EPN2: variants seen among roughly 807,000 people sequenced by gnomAD.
The protein encoded by EPN2 is epsin 2.
A neutral mutation model predicts 61.7 loss-of-function variants in EPN2; 34 were observed. That is an observed-to-expected ratio of 0.55 (90% CI 0.42 to 0.73). The LOEUF is 0.73. Ranked by LOEUF, EPN2 falls within the 30% of genes least tolerant of loss-of-function variation. EPN2 has a pLI of 0.00. For synonymous variants in EPN2, 349 were observed against 353.6 expected (o/e 0.99, Z 0.15); for missense variants, 714 against 839.2 (o/e 0.85, Z 1.84).
At chr17:19,245,884 C>T (rs575495017) in intron 1 of EPN2, among the ~76,000 whole-genome samples, 6 of 152,004 alleles carry the variant, frequency 3.9e-5, no homozygotes, top group South Asian at 2.1e-4. Flanking sequence ...AGGCTGGTCT[C>T]GAACTCCTGA....
chr17:19,319,315 C>G (rs1408022666), intron 7 of EPN2, among the ~76,000 whole-genome samples: 3 of 152,026 alleles, frequency 2.0e-5, no homozygotes, highest in African/African-American at 7.3e-5. Flanking sequence ...GATGGAAGGA[C>G]AGATTCTACT....
chr17:19,314,875 C>T (rs994057521), intron 7 of EPN2, among the ~76,000 whole-genome samples: 5 of 152,204 alleles, frequency 3.3e-5, no homozygotes, highest in African/African-American at 1.2e-4. Context: ...GTGGCTTTGG[C>T]TTTATTTTTA....
chr17:19,326,865 G>A (rs1053407373), intron 7 of EPN2, among the ~76,000 whole-genome samples: 4 of 152,038 alleles, frequency 2.6e-5, no homozygotes, highest in African/African-American at 7.2e-5. Context: ...CATAAGGGAC[G>A]ATCGGTAAAA....
intron 1 of EPN2, among the ~76,000 whole-genome samples, chr17:19,281,238 T>C (rs2045355632): frequency 6.6e-6 from 1 of 152,238 alleles, no homozygotes; most frequent in Non-Finnish European, 1.5e-5. Flanking sequence ...TTACCGGGAC[T>C]GATCCTGCCT....
chr17:19,306,685 G>A (rs1041797711), intron 4 of EPN2, among the ~76,000 whole-genome samples: 8 of 152,252 alleles, frequency 5.3e-5, no homozygotes, highest in African/African-American at 1.4e-4. Flanking sequence ...TCAGAGCCCC[G>A]TGCCCACTCT....
At chr17:19,303,647 G>A (rs568704886) in intron 4 of EPN2, among the ~76,000 whole-genome samples, 2 of 152,330 alleles carry the variant, frequency 1.3e-5, no homozygotes, top group East Asian at 1.9e-4. Flanking sequence ...TAGTGCCAGC[G>A]TTGGCCACAG....
At position 19,313,110 on chromosome 17, in the gene EPN2, C is replaced by T; in HGVS notation, c.978C>T (p.Gly326=). 6.2e-7 allele frequency: 1 copy of T among 1,613,328 alleles called. No homozygotes were observed. The highest frequency in any genetic ancestry group is 8.5e-7 in the Non-Finnish European group (1 of 1,179,618). ...TVKIPKKKEH[G]SLPQQTTLLD... ...CCTTCTCTTTGTCTTAAAAGCATGG[C>T]TCTCTCCCACAGCAGACTACGCTGT... Residue 326 remains glycine, a synonymous_variant, in exon 7 of 11, where the codon GGC becomes GGT. Coordinates refer to ENST00000314728, the MANE Select transcript of EPN2 (RefSeq NM_014964.5).
chr17:19,243,236 T>TC (rs2086643699), intron 1 of EPN2, among the ~76,000 whole-genome samples: 1 of 150,554 alleles, frequency 6.6e-6, no homozygotes, highest in Non-Finnish European at 1.5e-5. Flanking sequence ...TTTTTTTTTT[T>TC]TGAGACAGAG....
chr17:19,255,644 CAA>C (rs1416078723), intron 1 of EPN2, among the ~76,000 whole-genome samples: 3 of 143,536 alleles, frequency 2.1e-5, no homozygotes, highest in African/African-American at 7.7e-5. Flanking sequence ...TTTTTTGAGA[CAA>C]AGAGTCTTGC....
intron 1 of EPN2, among the ~76,000 whole-genome samples, chr17:19,239,346 T>C (rs2044856884): frequency 6.6e-6 from 1 of 152,202 alleles, no homozygotes; most frequent in South Asian, 2.1e-4. Flanking sequence ...GAGACGGGAT[T>C]TCGCCACGTT....
intron 1 of EPN2, chr17:19,271,639 C>CTCAGAAATCTGCATTGT (rs2045255246): frequency 6.6e-6 from 1 of 152,322 alleles, no homozygotes; most frequent in African/African-American, 2.4e-5. Context: ...AAGTAACTCC[C>CTCAGAAATCTGCATTGT]TCAGAAATCT....
chr17:19,245,037 C>T (rs2044929610), intron 1 of EPN2, among the ~76,000 whole-genome samples: 1 of 152,158 alleles, frequency 6.6e-6, no homozygotes, highest in Non-Finnish European at 1.5e-5. Flanking sequence ...AAGAGGCAAG[C>T]TTGGTCATGG....
intron 1 of EPN2, among the ~76,000 whole-genome samples, chr17:19,240,495 C>G (rs1368410647): frequency 6.6e-6 from 1 of 152,230 alleles, no homozygotes; most frequent in Non-Finnish European, 1.5e-5. Context: ...ATCCACCTAT[C>G]TTGGCCTCCC....
Position 19,334,091 on chromosome 17 carries a change from T to C in EPN2, c.1763T>C (p.Met588Thr), listed in dbSNP as rs369301746. The change falls in exon 11 of 11, where the codon ATG becomes ACG. Residue 588 changes from methionine to threonine, a missense_variant. Met to Thr is a moderately conservative substitution (Grantham distance 81). Coordinates refer to ENST00000314728, the MANE Select transcript of EPN2 (RefSeq NM_014964.5). The surrounding 1 kb of genome is among the most constrained non-coding windows in gnomAD (Gnocchi z 4.9). ...SFGPGPGVESMAVASMTSAAP... is the reference protein window; with the variant it reads ...SFGPGPGVESTAVASMTSAAP... ...GGGCCTGGCCCAGGAGTGGAGTCCATGGCTGTGGCCTCGATGACCTCCGCG... is the reference window on the plus strand; with the variant it reads ...GGGCCTGGCCCAGGAGTGGAGTCCACGGCTGTGGCCTCGATGACCTCCGCG... 6.8e-5 allele frequency: 110 copies of C among 1,610,010 alleles called. No individual in the cohort carries two copies. Among genetic ancestry groups the C allele is most frequent in the Non-Finnish European group, 2.2e-5 (26 of 1,178,292 alleles).
intron 4 of EPN2, among the ~76,000 whole-genome samples, chr17:19,286,815 A>G (rs1191988616): frequency 1.3e-5 from 2 of 152,200 alleles, no homozygotes; most frequent in Non-Finnish European, 2.9e-5. Flanking sequence ...CTAAACTGAC[A>G]TTAGAAAACG....
At chr17:19,250,642 C>T (rs771133350) in intron 1 of EPN2, among the ~76,000 whole-genome samples, 13 of 152,108 alleles carry the variant, frequency 8.5e-5, no homozygotes, top group Non-Finnish European at 1.6e-4. Context: ...CCAGTGTCGG[C>T]GCCATCTCTA....
intron 1 of EPN2, among the ~76,000 whole-genome samples, chr17:19,239,225 G>A (rs887378556): frequency 2.0e-5 from 3 of 152,196 alleles, no homozygotes; most frequent in East Asian, 3.8e-4. Context: ...TCGGCTCACC[G>A]AAACCTCCGC....
At chr17:19,249,005 A>T (rs1177427163) in intron 1 of EPN2, among the ~76,000 whole-genome samples, 1 of 152,196 alleles carries the variant, frequency 6.6e-6, no homozygotes, top group Non-Finnish European at 1.5e-5. Context: ...CTGAGCAAGG[A>T]GGGCGCAGAG....
intron 1 of EPN2, among the ~76,000 whole-genome samples, chr17:19,260,377 A>G (rs4924778): frequency 0.04 from 6,104 of 152,250 alleles, 525 homozygotes; most frequent in East Asian, 0.27. Flanking sequence ...AGCCTTCCAA[A>G]TGTGAAGCTG....
Sources: gnomAD v4.1 joint callset for allele counts (sites outside exome capture counted in the v4.1 genomes callset) on GRCh38, gnomAD v4.1.1 for gene constraint, Gnocchi (gnomAD v3.1) non-coding constraint, MANE v1.5 for transcripts, NCBI Gene and HGNC (gene_info 2026-07-23, HGNC 2026-07-21) for gene names.